CHN2: variants seen among roughly 807,000 people sequenced by gnomAD.
The protein encoded by CHN2 is chimerin 2.
A neutral mutation model predicts 56.3 loss-of-function variants in CHN2; 35 were observed. The ratio of observed to expected loss-of-function variants is 0.62; its 90% CI spans 0.47 to 0.82. CHN2 has a LOEUF of 0.82. Among genes scored for constraint, CHN2 ranks in the 40% least tolerant of loss-of-function variants. The pLI, the probability that CHN2 is intolerant of heterozygous loss-of-function variation, is 0.00. For missense variants in CHN2, 491 were observed against 580.5 expected (o/e 0.85, Z 1.58); for synonymous variants, 210 against 212.8 (o/e 0.99, Z 0.12).
intron 7 of CHN2, among the ~76,000 whole-genome samples, chr7:29,480,558 C>G (rs1787082398): frequency 1.3e-5 from 2 of 152,206 alleles, no homozygotes. Flanking sequence ...AGTGCTTATG[C>G]CTGGAAACAC....
At chr7:29,349,785 CTG>C (rs1171846452) in intron 1 of CHN2, among the ~76,000 whole-genome samples, 1 of 152,156 alleles carries the variant, frequency 6.6e-6, no homozygotes, top group African/African-American at 2.4e-5. Flanking sequence ...AAATATATAA[CTG>C]TCTTCTGCGT....
chr7:29,471,607 A>C (rs1379351976), intron 6 of CHN2, among the ~76,000 whole-genome samples: 1 of 152,172 alleles, frequency 6.6e-6, no homozygotes, highest in African/African-American at 2.4e-5. Context: ...AGGGGCAGTA[A>C]GACTGTTCCT....
intron 1 of CHN2, chr7:29,208,783 A>T (rs1209553414): frequency 6.6e-6 from 1 of 152,236 alleles, no homozygotes. Context: ...CCGCAAATAC[A>T]GAAAACTCTA....
intron 12 of CHN2, 187 bp downstream of exon 12, chr7:29,509,593 C>G: frequency 2.1e-6 from 1 of 475,106 alleles, no homozygotes; most frequent in Non-Finnish European, 3.9e-6. Context: ...GCCTGTAATC[C>G]CAGCACTTTG....
intron 3 of CHN2, among the ~76,000 whole-genome samples, chr7:29,389,782 G>A (rs974363224): frequency 1.3e-4 from 20 of 152,162 alleles, no homozygotes; most frequent in Middle Eastern, 3.4e-3. Flanking sequence ...GGCCAGGCAC[G>A]GTGGCTCATG....
At chr7:29,416,802 A>G (rs1388829095) in intron 6 of CHN2, among the ~76,000 whole-genome samples, 1 of 148,912 alleles carries the variant, frequency 6.7e-6, no homozygotes, top group Admixed American at 6.7e-5. Flanking sequence ...ATGTATATGT[A>G]TATTTCCAGC....
At position 29,252,591 on chromosome 7, in the gene CHN2, T is replaced by TTG. The variant is rs1788696268; in HGVS notation, c.49+57602_49+57603insGT. ...ATTGCATTCTTTGTTTTTTTTTTTT[T>TTG]TTTTTTTTTTTTTTTGAGACGGAGT... On this transcript the variant is annotated intron_variant, in intron 1 of 12. Coordinates refer to ENST00000222792, the MANE Select transcript of CHN2 (RefSeq NM_004067.4). Among the ~76,000 whole-genome samples the TTG allele has an allele frequency of 8.0e-5, 2 of 25,128 alleles. 1 individual carries two copies. Among genetic ancestry groups the TTG allele is most frequent in the African/African-American group, 6.0e-4 (2 of 3,320 alleles). 16.5% of individuals were successfully genotyped at this position (25,128 alleles called of 152,430 possible). A position where few individuals can be genotyped will look rare whatever the true frequency, so the allele number is the denominator to read the frequency against.
chr7:29,163,125 A>G (rs938101244), intron 2 of CHN2, among the ~76,000 whole-genome samples: 6 of 152,150 alleles, frequency 3.9e-5, no homozygotes, highest in Non-Finnish European at 7.4e-5. Flanking sequence ...GTCTGTAATT[A>G]TTTCAAAATT....
At chr7:29,474,101 A>T (rs565426418) in intron 6 of CHN2, among the ~76,000 whole-genome samples, 26 of 152,168 alleles carry the variant, frequency 1.7e-4, no homozygotes, top group Admixed American at 4.6e-4. Context: ...TTTTCTTCTG[A>T]TATTTTCTGT....
chr7:29,229,074 C>G lies in CHN2; in HGVS notation c.49+34084C>G, dbSNP rs371722392. Among the ~76,000 whole-genome samples, 17 of 152,314 alleles carry G rather than the reference C, an allele frequency of 1.1e-4. No individual in the cohort carries two copies. The East Asian group carries it at 3.3e-3, about 29-fold the overall frequency. On this transcript the variant is annotated intron_variant, in intron 1 of 12. Coordinates refer to ENST00000222792, the MANE Select transcript of CHN2 (RefSeq NM_004067.4). ...GTTTGCCCAGCTGTGGCCCCCTCACCTGGACTGACCAGCTCCTCCCCGCTG... is the reference window on the plus strand; with the variant it reads ...GTTTGCCCAGCTGTGGCCCCCTCACGTGGACTGACCAGCTCCTCCCCGCTG...
chr7:29,165,066 A>G (rs532239545), intron 2 of CHN2, among the ~76,000 whole-genome samples: 1 of 151,130 alleles, frequency 6.6e-6, no homozygotes, highest in South Asian at 2.1e-4. Context: ...AAATTTTAGA[A>G]TCAGTTTGTC....
chr7:29,443,642 A>G (rs1327835562), intron 6 of CHN2, among the ~76,000 whole-genome samples: 7 of 152,036 alleles, frequency 4.6e-5, no homozygotes, highest in Non-Finnish European at 8.8e-5. Context: ...CATGCTTTTC[A>G]TGGGTTGGCT....
At chr7:29,437,183 A>G (rs920985375) in intron 6 of CHN2, among the ~76,000 whole-genome samples, 5 of 152,208 alleles carry the variant, frequency 3.3e-5, no homozygotes, top group Non-Finnish European at 7.3e-5. Context: ...TTTAAATATT[A>G]CATCTTCATT....
intron 6 of CHN2, among the ~76,000 whole-genome samples, chr7:29,405,886 A>ATC (rs1196779811): frequency 6.6e-6 from 1 of 152,014 alleles, no homozygotes; most frequent in Non-Finnish European, 1.5e-5. Context: ...CTGTCCCGGT[A>ATC]TCTTTGCCTA....
chr7:29,247,202 G>A (rs985994952), intron 1 of CHN2, among the ~76,000 whole-genome samples: 2 of 152,190 alleles, frequency 1.3e-5, no homozygotes, highest in Non-Finnish European at 2.9e-5. Context: ...GATAAGAGTA[G>A]GGAGAGCGGT....
intron 3 of CHN2, among the ~76,000 whole-genome samples, chr7:29,392,700 C>T (rs1409412388): frequency 6.6e-6 from 1 of 152,172 alleles, no homozygotes; most frequent in Admixed American, 6.6e-5. Flanking sequence ...TGGAGCTAGG[C>T]CAGGAAACTG....
chr7:29,157,855 T>A (rs931934446), intron 2 of CHN2, among the ~76,000 whole-genome samples: 3 of 152,180 alleles, frequency 2.0e-5, no homozygotes, highest in African/African-American at 7.2e-5. Context: ...AATCCTTCTA[T>A]GTAGATTATT....
At chr7:29,236,989 A>G (rs1015067210) in intron 1 of CHN2, among the ~76,000 whole-genome samples, 1 of 152,184 alleles carries the variant, frequency 6.6e-6, no homozygotes, top group Non-Finnish European at 1.5e-5. Flanking sequence ...GTGTAATGTA[A>G]GGTATTCAGA....
intron 6 of CHN2, among the ~76,000 whole-genome samples, chr7:29,439,611 T>C (rs1783484881): frequency 6.6e-6 from 1 of 152,214 alleles, no homozygotes; most frequent in South Asian, 2.1e-4. Flanking sequence ...TCTGACATCA[T>C]CATCCTCAGT....
Sources: allele counts gnomAD v4.1 joint callset (sites outside exome capture counted in the v4.1 genomes callset), GRCh38; gene constraint gnomAD v4.1.1; transcripts MANE v1.5; gene names NCBI Gene and HGNC (gene_info 2026-07-23, HGNC 2026-07-21).